The following MGAT4C variants were observed in gnomAD, a reference collection of about 807,000 sequenced individuals.
MGAT4C encodes the protein MGAT4 family member C.
MGAT4C carries 19 observed loss-of-function variants against 40.1 expected under a neutral mutation model. The observed-to-expected ratio is 0.47, with a 90% CI of 0.33 to 0.70. The LOEUF is 0.70. Among genes scored for constraint, MGAT4C ranks in the 30% least tolerant of loss-of-function variants. MGAT4C has a pLI of 0.02. For missense variants in MGAT4C, 491 were observed against 563.2 expected (o/e 0.87, Z 1.30); for synonymous variants, 181 against 187.1 (o/e 0.97, Z 0.27).
intron 2 of MGAT4C, among the ~76,000 whole-genome samples, chr12:86,490,825 C>T (rs1037571591): frequency 1.3e-5 from 2 of 152,140 alleles, no homozygotes; most frequent in Admixed American, 6.5e-5. Context: ...AAGGCCATTA[C>T]ATAATGGTAA....
chr12:86,711,756 T>C (rs1169280173), intron 2 of MGAT4C, among the ~76,000 whole-genome samples: 1 of 152,180 alleles, frequency 6.6e-6, no homozygotes, highest in Non-Finnish European at 1.5e-5. Context: ...AAGAATTTAA[T>C]ATGTCTCATA....
intron 3 of MGAT4C, among the ~76,000 whole-genome samples, chr12:86,397,613 T>A (rs1337643972): frequency 6.6e-6 from 1 of 152,148 alleles, no homozygotes; most frequent in Non-Finnish European, 1.5e-5. Context: ...TTTGTGTATA[T>A]TAGCTCCTCA....
intron 2 of MGAT4C, among the ~76,000 whole-genome samples, chr12:86,577,896 C>T (rs1352906802): frequency 6.6e-6 from 1 of 151,508 alleles, no homozygotes; most frequent in East Asian, 1.9e-4. Context: ...ATTTTAAATA[C>T]TTCTTCATTA....
At chr12:86,437,153 AT>A (rs1957151560) in intron 2 of MGAT4C, among the ~76,000 whole-genome samples, 1 of 151,832 alleles carries the variant, frequency 6.6e-6, no homozygotes, top group Non-Finnish European at 1.5e-5. Context: ...AATTCTAATC[AT>A]TATTAAAAAC....
At chr12:86,547,661 A>C (rs1959203500) in intron 2 of MGAT4C, among the ~76,000 whole-genome samples, 1 of 152,126 alleles carries the variant, frequency 6.6e-6, no homozygotes, top group Non-Finnish European at 1.5e-5. Flanking sequence ...AGAAAAAGAA[A>C]ACTAATTTAG....
intron 1 of MGAT4C, among the ~76,000 whole-genome samples, chr12:86,060,127 G>T (rs1390400834): frequency 6.6e-6 from 1 of 152,042 alleles, no homozygotes; most frequent in Non-Finnish European, 1.5e-5. Context: ...GAAGAACTTG[G>T]GGTATGACAG....
At chr12:86,474,702 G>A (rs1957807171) in intron 2 of MGAT4C, among the ~76,000 whole-genome samples, 2 of 151,750 alleles carry the variant, frequency 1.3e-5, no homozygotes. Flanking sequence ...TTATAAGAAA[G>A]CCCATCATTT....
At chr12:86,739,240 C>A (rs552379720) in intron 1 of MGAT4C, among the ~76,000 whole-genome samples, 1 of 143,828 alleles carries the variant, frequency 7.0e-6, no homozygotes, top group Non-Finnish European at 1.5e-5. Flanking sequence ...TAAGTCAAAG[C>A]AAACATTTTT....
At chr12:86,767,677 T>G (rs1160312424) in intron 1 of MGAT4C, among the ~76,000 whole-genome samples, 1 of 152,190 alleles carries the variant, frequency 6.6e-6, no homozygotes, top group Non-Finnish European at 1.5e-5. Context: ...CATGATCAAG[T>G]GGGCTTCATC....
At chr12:86,791,445 T>G (rs181083936) in intron 1 of MGAT4C, among the ~76,000 whole-genome samples, 39 of 151,926 alleles carry the variant, frequency 2.6e-4, no homozygotes, top group South Asian at 6.2e-4. Context: ...TTTTTTTTTT[T>G]TTTTTTTCCT....
chr12:86,179,104 A>G (rs183202375), intron 1 of MGAT4C, among the ~76,000 whole-genome samples: 1 of 152,186 alleles, frequency 6.6e-6, no homozygotes, highest in African/African-American at 2.4e-5. Flanking sequence ...AGGAGGAGGT[A>G]ATTAAATCAT....
At chr12:86,136,067 T>C (rs985892955) in intron 1 of MGAT4C, among the ~76,000 whole-genome samples, 29 of 152,212 alleles carry the variant, frequency 1.9e-4, no homozygotes, top group African/African-American at 6.8e-4. Context: ...CATTTTCTCA[T>C]AGATTAGTAA....
At chr12:86,130,084 T>G (rs936063898) in intron 1 of MGAT4C, among the ~76,000 whole-genome samples, 3 of 152,214 alleles carry the variant, frequency 2.0e-5, no homozygotes, top group Admixed American at 2.0e-4. Context: ...ACTGATGGAA[T>G]TATGTTCCCT....
intron 4 of MGAT4C, among the ~76,000 whole-genome samples, chr12:86,263,305 T>G (rs952343521): frequency 1.2e-4 from 19 of 152,160 alleles, no homozygotes; most frequent in Non-Finnish European, 2.4e-4. Flanking sequence ...ACCCATTCAG[T>G]AATTTCTCTT....
At chr12:86,325,285 T>G (rs951860638) in intron 4 of MGAT4C, among the ~76,000 whole-genome samples, 2 of 152,202 alleles carry the variant, frequency 1.3e-5, no homozygotes, top group African/African-American at 4.8e-5. Context: ...TTTTTCCAGA[T>G]TTTTCCACAT....
At chr12:86,831,013 C>A (rs1388749247) in intron 1 of MGAT4C, among the ~76,000 whole-genome samples, 2 of 151,754 alleles carry the variant, frequency 1.3e-5, no homozygotes, top group African/African-American at 4.8e-5. Flanking sequence ...TATAATAACT[C>A]AAATGCTCAG....
chr12:86,650,944 T>G (rs1398312035), intron 2 of MGAT4C, among the ~76,000 whole-genome samples: 1 of 151,894 alleles, frequency 6.6e-6, no homozygotes, highest in Non-Finnish European at 1.5e-5. Context: ...TAGGAGCTGA[T>G]TATGTGCAGT....
Position 86,212,775 on chromosome 12 carries a change from C to T in MGAT4C, c.-57+43464G>A, listed in dbSNP as rs1456845931. ...GGCGTAGTGGCGGTCGCCTGTAGTC[C>T]CAGCTACTTGGGAGGCTGAGGCAGG... is the stretch of plus-strand genomic sequence containing the variant. On this transcript the variant is annotated intron_variant, in intron 1 of 4. Coordinates refer to ENST00000611864, the MANE Select transcript of MGAT4C (RefSeq NM_001351288.2). Among the ~76,000 whole-genome samples the T allele has an allele frequency of 2.8e-4, 33 of 118,686 alleles. 1 individual carries two copies. Among genetic ancestry groups the T allele is most frequent in the Non-Finnish European group, 2.7e-4 (15 of 54,914 alleles). The allele number at this position is 118,686 out of a possible 152,430, so 77.9% of individuals were successfully genotyped here. A position where few individuals can be genotyped will look rare whatever the true frequency, so the allele number is the denominator to read the frequency against.
intron 1 of MGAT4C, among the ~76,000 whole-genome samples, chr12:86,156,470 C>A (rs565822808): frequency 6.6e-6 from 1 of 152,204 alleles, no homozygotes; most frequent in Non-Finnish European, 1.5e-5. Flanking sequence ...TTAAGGCATG[C>A]ACCACCACGC....
Sources: allele counts gnomAD v4.1 joint callset (sites outside exome capture counted in the v4.1 genomes callset), GRCh38; gene constraint gnomAD v4.1.1; transcripts MANE v1.5; gene names NCBI Gene and HGNC (gene_info 2026-07-23, HGNC 2026-07-21).